PTPRS: variants seen among roughly 807,000 people sequenced by gnomAD.
PTPRS encodes the protein receptor-type tyrosine-protein phosphatase S.
Under a neutral mutation model 215.3 loss-of-function variants are expected in PTPRS, and 63 were observed. That is an observed-to-expected ratio of 0.29 (90% CI 0.24 to 0.36). The LOEUF (loss-of-function observed/expected upper bound fraction) is 0.36. PTPRS is among the 10% of genes least tolerant of loss of function. The pLI is 1.00. For synonymous variants in PTPRS, 1,404 were observed against 1,191.4 expected, an observed-to-expected ratio of 1.18 and a Z score of -3.68; for missense variants, 2,258 against 2,825.8, an observed-to-expected ratio of 0.80 and a Z score of 4.56.
chr19:5,297,690 C>T (rs558913963), intron 1 of PTPRS, among the ~76,000 whole-genome samples: 2 of 152,206 alleles, frequency 1.3e-5, no homozygotes, highest in East Asian at 3.9e-4. Flanking sequence ...GAGAGCAAAT[C>T]AGACATACAA....
At chr19:5,249,989 A>T (rs1199340959) in intron 9 of PTPRS, among the ~76,000 whole-genome samples, 2 of 152,214 alleles carry the variant, frequency 1.3e-5, no homozygotes, top group African/African-American at 4.8e-5. Flanking sequence ...AGACAAGGGG[A>T]TACCTGTTGA....
At chr19:5,216,862 A>G (rs1235981864) in intron 25 of PTPRS, 95 bp from the exon 26 acceptor site, 1 of 815,366 alleles carries the variant, frequency 1.2e-6, no homozygotes, top group Non-Finnish European at 2.0e-6. Flanking sequence ...TGGCGGATGC[A>G]AAGGGCAGAG....
intron 16 of PTPRS, among the ~76,000 whole-genome samples, chr19:5,227,656 C>T (rs2042620831): frequency 6.9e-6 from 1 of 144,218 alleles, no homozygotes; most frequent in South Asian, 2.2e-4. Flanking sequence ...CTGATCCACC[C>T]GTCTTGGCCT....
chr19:5,252,441 G>T (rs1196579529), intron 9 of PTPRS, among the ~76,000 whole-genome samples: 2 of 151,928 alleles, frequency 1.3e-5, no homozygotes, highest in Middle Eastern at 6.3e-3. Flanking sequence ...TCTGAGCGTG[G>T]TGCCAGGTGC....
intron 7 of PTPRS, among the ~76,000 whole-genome samples, chr19:5,260,561 G>A (rs974581966): frequency 6.6e-6 from 1 of 152,236 alleles, no homozygotes; most frequent in Non-Finnish European, 1.5e-5. Context: ...CCTTCCCAGA[G>A]GGGGAGAGAG....
intron 17 of PTPRS, among the ~76,000 whole-genome samples, chr19:5,225,230 G>T (rs991375453): frequency 3.3e-5 from 5 of 152,028 alleles, no homozygotes; most frequent in African/African-American, 1.2e-4. Flanking sequence ...GGGAAGACAG[G>T]TGCACCACCC....
intron 9 of PTPRS, among the ~76,000 whole-genome samples, chr19:5,248,148 C>T (rs534029965): frequency 2.4e-4 from 37 of 151,810 alleles, no homozygotes; most frequent in Non-Finnish European, 3.4e-4. Flanking sequence ...GCACCCACAG[C>T]GAGGCACAGG....
chr19:5,319,086 A>G (rs1169976717), intron 1 of PTPRS, among the ~76,000 whole-genome samples: 4 of 152,104 alleles, frequency 2.6e-5, no homozygotes, highest in Non-Finnish European at 5.9e-5. Context: ...CCAGACATGG[A>G]AAGAAAAAAA....
intron 1 of PTPRS, among the ~76,000 whole-genome samples, chr19:5,337,920 G>C (rs1295973900): frequency 1.3e-5 from 2 of 151,962 alleles, no homozygotes; most frequent in Non-Finnish European, 2.9e-5. Flanking sequence ...TTTTTTCTCT[G>C]CTGGCAGCAG....
rs181990274 is a variant in PTPRS at position 5,254,268 on chromosome 19, C to T, written c.718+1840G>A. ...TCTAAAGTCCTCTTGCCAACTTGGT[C>T]CAGGATTTAATAATTGGTAAGTTTG... is the stretch of plus-strand genomic sequence containing the variant. On this transcript the variant is annotated intron_variant, in intron 9 of 37. Coordinates refer to ENST00000262963, the MANE Select transcript of PTPRS (RefSeq NM_002850.4). Among the ~76,000 whole-genome samples, 143 of 152,194 alleles carry T rather than the reference C, an allele frequency of 9.4e-4. 1 individual carries two copies. Among genetic ancestry groups the T allele is most frequent in the African/African-American group, 3.3e-3 (136 of 41,528 alleles).
intron 2 of PTPRS, among the ~76,000 whole-genome samples, chr19:5,278,867 C>A (rs7254570): frequency 0.93 from 141,398 of 152,072 alleles, 65,949 homozygotes; most frequent in African/African-American, 0.98. Flanking sequence ...AATAAAGTGT[C>A]GCAAATGGTA....
chr19:5,247,867 C>T (rs532694704), intron 9 of PTPRS, among the ~76,000 whole-genome samples: 71 of 151,862 alleles, frequency 4.7e-4, no homozygotes, highest in African/African-American at 1.5e-3. Context: ...GAGTGGGGTC[C>T]GGAAGCTGGC....
rs1394993665 is a variant in PTPRS at position 5,215,542 on chromosome 19, G to A, written c.4150C>T (p.Arg1384Trp). Reference protein sequence around the residue: ...PIADMAEHTERLKANDSLKLS... With the variant: ...PIADMAEHTEWLKANDSLKLS... ...TTGAGGCTGTCGTTGGCCTTGAGCC[G>A]CTCCGTGTGCTCCGCCATGTCTGCG... is the stretch of plus-strand genomic sequence containing the variant. The change falls in exon 27 of 38, where the codon CGG becomes TGG. Residue 1384 changes from arginine (R) to tryptophan (W), a missense_variant. Arg to Trp is a moderately radical substitution (Grantham distance 101). Around this residue, in one of 6 missense-constraint regions of PTPRS, gnomAD observed 927 missense variants for 1,125.9 expected, o/e 0.82. Transcript: ENST00000262963. The A allele has an allele frequency of 8.7e-6, 14 of 1,611,660 alleles. No individual in the cohort carries two copies. Among genetic ancestry groups the A allele is most frequent in the South Asian group, 2.2e-5 (2 of 90,912 alleles).
In PTPRS at chr19:5,219,321, C is replaced by T. The variant is rs1290721654; in HGVS notation, c.3912G>A (p.Leu1304=). The T allele has an allele frequency of 1.2e-6, 2 of 1,614,094 alleles. No homozygotes were observed. Among genetic ancestry groups the T allele is most frequent in the Non-Finnish European group, 1.7e-6 (2 of 1,180,010 alleles). The change falls in exon 23 of 38, where the codon CTG becomes CTA. Residue 1304 remains leucine (L), a synonymous_variant. Coordinates refer to ENST00000262963, the MANE Select transcript of PTPRS (RefSeq NM_002850.4). ...GACATGGGGCTTACTTCTTGTAGAG[C>T]AGGATAGCAATGACAATGCAGATTA... The part of the protein sequence containing the change: ...VFIICIVIAI[L]LYKNKPDSKR...
chr19:5,336,265 G>GC (rs2050498268), intron 1 of PTPRS, among the ~76,000 whole-genome samples: 2 of 89,840 alleles, frequency 2.2e-5, no homozygotes, highest in African/African-American at 1.4e-4. Flanking sequence ...AAAGGAAAAG[G>GC]GGGGGGGGCG....
At position 5,280,589 on chromosome 19, in the gene PTPRS, C is replaced by T. The variant is rs2379611; in HGVS notation, c.91+5461G>A. The stretch of plus-strand genomic sequence containing the variant: ...TACAAAAATCAGCCAGGCGTGGTGG[C>T]GGGTGCCTGTAATCCCAGCTACTTG... On this transcript the variant is annotated intron_variant, in intron 2 of 37. Coordinates refer to ENST00000262963, the MANE Select transcript of PTPRS (RefSeq NM_002850.4). Among the ~76,000 whole-genome samples, 5 of 152,008 alleles carry T rather than the reference C, an allele frequency of 3.3e-5. No homozygotes were observed. The South Asian group carries it at 8.3e-4, about 25-fold the overall frequency.
At chr19:5,240,882 C>T (rs2043978503) in intron 11 of PTPRS, among the ~76,000 whole-genome samples, 2 of 134,436 alleles carry the variant, frequency 1.5e-5, no homozygotes, top group South Asian at 4.9e-4. Context: ...AAATAAAAAT[C>T]CCCTTCATTT....
chr19:5,219,181 C>T, intron 23 of PTPRS, 129 bp downstream of exon 23: 1 of 1,300,488 alleles, frequency 7.7e-7, no homozygotes, highest in Non-Finnish European at 1.1e-6. Flanking sequence ...GGCTTAACCT[C>T]TCTGAACTTC....
intron 9 of PTPRS, among the ~76,000 whole-genome samples, chr19:5,246,905 AAG>A (rs948975271): frequency 6.3e-5 from 9 of 142,758 alleles, no homozygotes; most frequent in East Asian, 2.7e-4. Context: ...GAGAGAGAGA[AAG>A]AGAGAGCGAG....
Sources: gnomAD v4.1 joint callset for allele counts (sites outside exome capture counted in the v4.1 genomes callset) on GRCh38, gnomAD v4.1.1 for gene constraint, gnomAD v4.1.1 regional missense constraint, MANE v1.5 for transcripts, NCBI Gene and HGNC (gene_info 2026-07-23, HGNC 2026-07-21) for gene names.